The following DAB1 variants were observed in gnomAD, a reference collection of about 807,000 sequenced individuals.
DAB1 encodes the protein DAB adaptor protein 1, also known as disabled homolog 1.
Under a neutral mutation model 64.6 loss-of-function variants are expected in DAB1, and 15 were observed. That is an observed-to-expected ratio of 0.23 (90% CI 0.16 to 0.36). The LOEUF (loss-of-function observed/expected upper bound fraction) is 0.36, where lower values mean the gene tolerates loss of function less well. Among genes scored for constraint, DAB1 ranks in the 10% least tolerant of loss-of-function variants. DAB1 has a pLI of 1.00. For synonymous variants in DAB1, 235 were observed against 251.9 expected, an observed-to-expected ratio of 0.93 and a Z score of 0.64; for missense variants, 596 against 706.7, an observed-to-expected ratio of 0.84 and a Z score of 1.78.
At chr1:58,541,609 C>T (rs1304162421) in intron 1 of DAB1, 2 of 52,722 alleles carry the variant, frequency 3.8e-5, no homozygotes, top group Non-Finnish European at 7.0e-5. Context: ...AGAATGAGAA[C>T]CTGTCAAAAA....
intron 7 of DAB1, among the ~76,000 whole-genome samples, chr1:57,636,110 A>AAC (rs1553202401): frequency 4.9e-5 from 7 of 142,968 alleles, no homozygotes; most frequent in Non-Finnish European, 8.9e-5. Context: ...AAAAAAAAAA[A>AAC]AAACAAAAAC....
chr1:58,280,561 A>G (rs1423466223), intron 4 of DAB1, among the ~76,000 whole-genome samples: 1 of 152,230 alleles, frequency 6.6e-6, no homozygotes, highest in Non-Finnish European at 1.5e-5. Context: ...ATACTTGGTA[A>G]TTACCCAATT....
intron 7 of DAB1, among the ~76,000 whole-genome samples, chr1:57,495,182 C>T (rs577989123): frequency 6.6e-6 from 1 of 152,102 alleles, no homozygotes; most frequent in African/African-American, 2.4e-5. Context: ...TGAGATTTGC[C>T]TAGATTAACT....
rs953603437 is a variant in DAB1, at chr1:57,463,752, C to T, written n.626-172586G>A. ...GCATACTCTTCTGTTTTTTCCCATG[C>T]TCTTCTGCTCATTCATTCATTCATT... On this transcript the variant is annotated intron_variant and non_coding_transcript_variant, in intron 7 of 20. Transcript: ENST00000485760. Among the ~76,000 whole-genome samples the T allele has an allele frequency of 3.3e-5, 5 of 152,184 alleles. No individual in the cohort carries two copies. In the South Asian group the frequency reaches 8.3e-4, roughly 25 times the overall value.
At chr1:57,487,744 C>T (rs1017957726) in intron 7 of DAB1, among the ~76,000 whole-genome samples, 1 of 152,170 alleles carries the variant, frequency 6.6e-6, no homozygotes, top group Non-Finnish European at 1.5e-5. Context: ...TAGGTACACT[C>T]TATGATGTTT....
chr1:57,552,750 G>A (rs1644928746), intron 7 of DAB1, among the ~76,000 whole-genome samples: 1 of 152,092 alleles, frequency 6.6e-6, no homozygotes, highest in Non-Finnish European at 1.5e-5. Context: ...GGCCTTCTTG[G>A]CTAGTGAGCA....
At chr1:57,375,846 C>T (rs551346833) in intron 1 of DAB1, among the ~76,000 whole-genome samples, 2 of 152,308 alleles carry the variant, frequency 1.3e-5, no homozygotes, top group South Asian at 4.1e-4. Flanking sequence ...TAATAAAGAG[C>T]TGTTTGACTG....
intron 5 of DAB1, among the ~76,000 whole-genome samples, chr1:58,119,266 C>A (rs1652591404): frequency 6.6e-6 from 1 of 150,754 alleles, no homozygotes. Context: ...ATGCTTAATT[C>A]AATTTGGCAG....
intron 3 of DAB1, among the ~76,000 whole-genome samples, chr1:58,418,953 G>A (rs1239399183): frequency 6.6e-6 from 1 of 152,158 alleles, no homozygotes; most frequent in Non-Finnish European, 1.5e-5. Context: ...ATCATTCTTT[G>A]AAAATTGCAG....
At chr1:57,326,540 G>C (rs1268582643) in intron 1 of DAB1, among the ~76,000 whole-genome samples, 1 of 152,194 alleles carries the variant, frequency 6.6e-6, no homozygotes, top group Non-Finnish European at 1.5e-5. Flanking sequence ...AGTAGGCTGC[G>C]TCTTTTCAGC....
At chr1:57,540,616 TA>T (rs756681557) in intron 7 of DAB1, among the ~76,000 whole-genome samples, 121 of 152,264 alleles carry the variant, frequency 7.9e-4, no homozygotes, top group Non-Finnish European at 1.1e-3. Flanking sequence ...TACTTGGCCA[TA>T]AAAAAAGAAT....
intron 4 of DAB1, among the ~76,000 whole-genome samples, chr1:58,260,603 G>A (rs145028193): frequency 2.9e-4 from 44 of 152,216 alleles, no homozygotes; most frequent in African/African-American, 8.7e-4. Flanking sequence ...CTCTCCAGCC[G>A]GCACACTCAG....
chr1:58,273,106 G>T (rs1661349898), intron 4 of DAB1, among the ~76,000 whole-genome samples: 4 of 38,396 alleles, frequency 1.0e-4, no homozygotes, highest in African/African-American at 3.7e-4. Flanking sequence ...TCCTAGTCTC[G>T]ATGGTCTTTA....
intron 4 of DAB1, among the ~76,000 whole-genome samples, chr1:57,126,559 C>A (rs539359253): frequency 1.3e-5 from 2 of 152,328 alleles, no homozygotes; most frequent in East Asian, 3.9e-4. Flanking sequence ...CAAAGGAGAA[C>A]ACTGAGCTGC....
At chr1:58,307,799 T>A (rs1370178758) in intron 4 of DAB1, among the ~76,000 whole-genome samples, 1 of 151,836 alleles carries the variant, frequency 6.6e-6, no homozygotes, top group Non-Finnish European at 1.5e-5. Context: ...GGAATAGCAT[T>A]GCTAGAGCAT....
At chr1:58,091,903 C>A (rs1208380891) in intron 5 of DAB1, among the ~76,000 whole-genome samples, 1 of 147,330 alleles carries the variant, frequency 6.8e-6, no homozygotes, top group Non-Finnish European at 1.5e-5. Context: ...TTTTTTTTTT[C>A]TTTATCAGTT....
chr1:58,325,198 A>C (rs1358371456), intron 4 of DAB1, among the ~76,000 whole-genome samples: 1 of 152,262 alleles, frequency 6.6e-6, no homozygotes, highest in Non-Finnish European at 1.5e-5. Context: ...ACAGGAGAGA[A>C]GATTACAGAC....
intron 7 of DAB1, among the ~76,000 whole-genome samples, chr1:57,488,583 G>A (rs1006658367): frequency 5.3e-5 from 8 of 151,728 alleles, no homozygotes; most frequent in Non-Finnish European, 7.4e-5. Context: ...AGCTGAGGCC[G>A]GAGAATCACT....
At chr1:58,307,678 T>C (rs751588197) in intron 4 of DAB1, among the ~76,000 whole-genome samples, 15 of 148,696 alleles carry the variant, frequency 1.0e-4, no homozygotes, top group Non-Finnish European at 1.8e-4. Flanking sequence ...AGAAAGAGAG[T>C]GGGGAAAGGT....
Sources: gnomAD v4.1 joint callset for allele counts (sites outside exome capture counted in the v4.1 genomes callset) on GRCh38, gnomAD v4.1.1 for gene constraint, MANE v1.5 for transcripts, NCBI Gene and HGNC (gene_info 2026-07-23, HGNC 2026-07-21) for gene names.